Variants in OR9Q1 observed in about 807,000 individuals in gnomAD.
OR9Q1 encodes olfactory receptor 9Q1.
For missense variants in OR9Q1, 374 were observed against 378.8 expected, an observed-to-expected ratio of 0.99 and a Z score of 0.11; for synonymous variants, 153 against 148.6, an observed-to-expected ratio of 1.03 and a Z score of -0.22.
intron 1 of OR9Q1, among the ~76,000 whole-genome samples, chr11:58,043,905 T>A (rs137874645): frequency 1.3e-5 from 2 of 152,180 alleles, no homozygotes; most frequent in South Asian, 4.1e-4. Flanking sequence ...GCTCTGTGGG[T>A]CCAGGACCAT....
intron 1 of OR9Q1, among the ~76,000 whole-genome samples, chr11:58,054,442 G>T (rs958894513): frequency 6.6e-6 from 1 of 152,088 alleles, no homozygotes; most frequent in Non-Finnish European, 1.5e-5. Flanking sequence ...ACTCCTGCAA[G>T]TGCCATTTTT....
At chr11:58,082,095 T>TA (rs1853592970) in intron 2 of OR9Q1, among the ~76,000 whole-genome samples, 1 of 152,092 alleles carries the variant, frequency 6.6e-6, no homozygotes, top group Admixed American at 6.5e-5. Flanking sequence ...TGACAATCAT[T>TA]AAAAAGTCAG....
chr11:58,070,521 C>T (rs781360704), intron 2 of OR9Q1, among the ~76,000 whole-genome samples: 7 of 152,152 alleles, frequency 4.6e-5, no homozygotes, highest in Non-Finnish European at 8.8e-5. Context: ...CAAATTGGAA[C>T]TCACTGGTCT....
chr11:58,178,185 AAAATAT>A (rs2119971405), intron 2 of OR9Q1, among the ~76,000 whole-genome samples: 1 of 152,350 alleles, frequency 6.6e-6, no homozygotes, highest in South Asian at 2.1e-4. Flanking sequence ...TGGAGGAGTC[AAAATAT>A]TATCCCATCC....
chr11:58,179,480 C>T lies in OR9Q1; in HGVS notation c.36C>T (p.Phe12=). ...TGAACCTCACCTTGGTGACCGAGTT[C>T]CTCCTTATTGCATTCACTGAATATC... The part of the protein sequence containing the change: ...AEMNLTLVTE[F]LLIAFTEYPE... The change falls in exon 3 of 3, where the codon TTC becomes TTT. Residue 12 remains phenylalanine, a synonymous_variant. Transcript: ENST00000335397. 6.3e-7 allele frequency: 1 copy of T among 1,583,978 alleles called. No homozygotes were observed. Among genetic ancestry groups the T allele is most frequent in the Middle Eastern group, 1.7e-4 (1 of 5,910 alleles).
chr11:58,034,300 G>T (rs761917300), intron 1 of OR9Q1, among the ~76,000 whole-genome samples: 19 of 151,716 alleles, frequency 1.3e-4, no homozygotes, highest in Non-Finnish European at 2.6e-4. Flanking sequence ...TATTAGCCAG[G>T]ATGGTCTCGA....
At chr11:58,113,221 TCTA>T (rs1853919562) in intron 2 of OR9Q1, among the ~76,000 whole-genome samples, 1 of 152,174 alleles carries the variant, frequency 6.6e-6, no homozygotes, top group Non-Finnish European at 1.5e-5. Context: ...ATGCACCTGG[TCTA>T]CTATATTTTC....
At chr11:58,075,664 T>G (rs1228208858) in intron 2 of OR9Q1, among the ~76,000 whole-genome samples, 2 of 152,214 alleles carry the variant, frequency 1.3e-5, no homozygotes, top group African/African-American at 4.8e-5. Context: ...AGACATGGAA[T>G]CTGCTAGCAC....
chr11:58,122,105 T>C (rs1393505285), intron 2 of OR9Q1, among the ~76,000 whole-genome samples: 1 of 152,162 alleles, frequency 6.6e-6, no homozygotes, highest in African/African-American at 2.4e-5. Context: ...AGGCCCCATC[T>C]CTAGAATCAT....
At chr11:58,116,344 G>A (rs1853954242) in intron 2 of OR9Q1, among the ~76,000 whole-genome samples, 1 of 152,176 alleles carries the variant, frequency 6.6e-6, no homozygotes, top group African/African-American at 2.4e-5. Context: ...AGTGTGCATG[G>A]GCAAGAGTTT....
chr11:58,156,178 G>A (rs1210855190), intron 2 of OR9Q1, among the ~76,000 whole-genome samples: 1 of 152,162 alleles, frequency 6.6e-6, no homozygotes, highest in Admixed American at 6.5e-5. Flanking sequence ...CTCCCAAAGT[G>A]CTAGGATTAC....
rs17152405 is a variant in OR9Q1 at position 58,153,705 on chromosome 11, G to A, written c.-14-25726G>A. Among the ~76,000 whole-genome samples, 1,053 of 152,192 alleles carry A rather than the reference G, an allele frequency of 6.9e-3. 10 individuals carry two copies. The highest frequency in any genetic ancestry group is 0.019 in the African/African-American group (774 of 41,542). On this transcript the variant is annotated intron_variant, in intron 2 of 2. Transcript: ENST00000335397. ...TGCAATCTCTATCACAGATAAAAGTGGAATTGTATGTAGAAAGTAGCACAG... is the reference window on the plus strand; with the variant it reads ...TGCAATCTCTATCACAGATAAAAGTAGAATTGTATGTAGAAAGTAGCACAG...
intron 2 of OR9Q1, among the ~76,000 whole-genome samples, chr11:58,157,859 C>A (rs1215455862): frequency 1.3e-5 from 2 of 152,216 alleles, no homozygotes; most frequent in African/African-American, 2.4e-5. Context: ...TTAGCTGATG[C>A]TTTTCTGAGC....
chr11:58,155,686 C>T (rs533280006), intron 2 of OR9Q1, among the ~76,000 whole-genome samples: 2 of 152,274 alleles, frequency 1.3e-5, no homozygotes, highest in East Asian at 3.9e-4. Context: ...GAACAAGTGG[C>T]ACAATCATTC....
intron 2 of OR9Q1, chr11:58,171,380 TTTCAC>T (rs1854553200): frequency 6.6e-6 from 1 of 152,276 alleles, no homozygotes; most frequent in Admixed American, 6.5e-5. Flanking sequence ...GCTGCTGATT[TTTCAC>T]TTTGCTCTGT....
At chr11:58,069,406 TAC>T (rs1223269694) in intron 2 of OR9Q1, among the ~76,000 whole-genome samples, 1 of 152,150 alleles carries the variant, frequency 6.6e-6, no homozygotes, top group African/African-American at 2.4e-5. Flanking sequence ...CTTTCTCAGC[TAC>T]ACCTGAGGAG....
chr11:58,079,538 C>T (rs1281881935), intron 2 of OR9Q1, among the ~76,000 whole-genome samples: 1 of 152,132 alleles, frequency 6.6e-6, no homozygotes, highest in Non-Finnish European at 1.5e-5. Flanking sequence ...GAATTTATCT[C>T]TCCATTTCTT....
intron 2 of OR9Q1, among the ~76,000 whole-genome samples, chr11:58,064,686 C>T (rs1853411871): frequency 6.6e-6 from 1 of 152,068 alleles, no homozygotes; most frequent in Non-Finnish European, 1.5e-5. Context: ...GCCTCAGCCA[C>T]AGCAAAGAGA....
chr11:58,084,987 A>C (rs1359524510), intron 2 of OR9Q1, among the ~76,000 whole-genome samples: 1 of 151,868 alleles, frequency 6.6e-6, no homozygotes, highest in Non-Finnish European at 1.5e-5. Flanking sequence ...AAACAGGAAA[A>C]GAAGAAGTAA....
Sources: allele counts gnomAD v4.1 joint callset (sites outside exome capture counted in the v4.1 genomes callset), GRCh38; gene constraint gnomAD v4.1.1; transcripts MANE v1.5; gene names NCBI Gene and HGNC (gene_info 2026-07-23, HGNC 2026-07-21).